Variants in SNX29 observed in about 807,000 individuals in gnomAD.
SNX29 encodes sorting nexin 29, also known as sorting nexin-29.
In SNX29, 78 loss-of-function variants were observed where a neutral mutation model predicts 102.1. The observed-to-expected ratio is 0.76, with a 90% CI of 0.64 to 0.92. The LOEUF is 0.92. Among genes scored for constraint, SNX29 ranks in the 40% least tolerant of loss-of-function variants. SNX29 has a pLI of 0.00. For synonymous variants in SNX29, 580 were observed against 414.5 expected, an observed-to-expected ratio of 1.40 and a Z score of -4.85; for missense variants, 1,280 against 1,061.7, an observed-to-expected ratio of 1.21 and a Z score of -2.86.
chr16:12,557,708 C>G (rs553554415), intron 20 of SNX29: 5 of 152,280 alleles, frequency 3.3e-5, no homozygotes, highest in Admixed American at 6.5e-5. Flanking sequence ...TCGTTTGATA[C>G]CAGCATCACC....
intron 13 of SNX29, among the ~76,000 whole-genome samples, chr16:12,168,150 A>C (rs1418694457): frequency 3.9e-5 from 6 of 152,232 alleles, no homozygotes; most frequent in Admixed American, 3.9e-4. Context: ...ATTGCTCTGA[A>C]GGAAAAGTGT....
intron 19 of SNX29, among the ~76,000 whole-genome samples, chr16:12,494,515 C>G (rs1014870119): frequency 6.6e-6 from 1 of 152,144 alleles, no homozygotes; most frequent in African/African-American, 2.4e-5. Flanking sequence ...AGTAAACCCA[C>G]TCCAAAGCTC....
intron 15 of SNX29, among the ~76,000 whole-genome samples, chr16:12,279,635 A>G (rs756059834): frequency 6.6e-6 from 1 of 152,170 alleles, no homozygotes; most frequent in Non-Finnish European, 1.5e-5. Flanking sequence ...CAGGGCCCCA[A>G]TCTCAGGATT....
intron 15 of SNX29, among the ~76,000 whole-genome samples, chr16:12,335,632 T>C (rs1433818270): frequency 2.6e-5 from 4 of 152,158 alleles, no homozygotes; most frequent in Non-Finnish European, 5.9e-5. Context: ...GCTACGATGG[T>C]GCTGCTGCAC....
rs577026883 is a variant in SNX29 at position 12,570,903 on chromosome 16, G to T, written c.*2274G>T. Reference sequence around the variant, plus strand: ...ATACTGAATTATTCACAAAAAACCTGGTCTGCTCTCCAAAATGAGAGCATG... The same window carrying T: ...ATACTGAATTATTCACAAAAAACCTTGTCTGCTCTCCAAAATGAGAGCATG... On this transcript the variant is annotated 3_prime_UTR_variant, in exon 21 of 21. Coordinates refer to ENST00000566228, the MANE Select transcript of SNX29 (RefSeq NM_032167.5). 4.4e-6 allele frequency: 1 copy of T among 226,180 alleles called. No individual in the cohort carries two copies. Among genetic ancestry groups the T allele is most frequent in the East Asian group, 6.3e-5 (1 of 15,820 alleles). 14.0% of individuals were successfully genotyped at this position (226,180 alleles called of 1,614,324 possible). A position where few individuals can be genotyped will look rare whatever the true frequency, so the allele number is the denominator to read the frequency against.
intron 19 of SNX29, among the ~76,000 whole-genome samples, chr16:12,507,182 G>A (rs138728359): frequency 8.9e-4 from 136 of 152,330 alleles, no homozygotes; most frequent in Non-Finnish European, 1.8e-3. Context: ...CTGGTAAGTG[G>A]TGCAGCCAGG....
intron 20 of SNX29, among the ~76,000 whole-genome samples, chr16:12,562,385 C>CA (rs1238357966): frequency 2.4e-5 from 2 of 84,592 alleles, no homozygotes; most frequent in African/African-American, 6.2e-5. Flanking sequence ...TAAAACAGCT[C>CA]AAGAGACAGA....
intron 3 of SNX29, among the ~76,000 whole-genome samples, chr16:12,006,687 C>A (rs1323469866): frequency 2.6e-5 from 4 of 151,520 alleles, no homozygotes; most frequent in Admixed American, 6.6e-5. Context: ...GTGGTGTGAT[C>A]ATGGTTCACA....
intron 1 of SNX29, among the ~76,000 whole-genome samples, chr16:11,985,207 C>A (rs530537112): frequency 9.2e-5 from 14 of 152,096 alleles, no homozygotes; most frequent in African/African-American, 3.4e-4. Flanking sequence ...CTGGTGGAAG[C>A]AGAGGTTGGC....
chr16:12,121,350 C>A (rs1342688486), intron 11 of SNX29, among the ~76,000 whole-genome samples: 1 of 152,236 alleles, frequency 6.6e-6, no homozygotes, highest in East Asian at 1.9e-4. Flanking sequence ...CCCATAGGGG[C>A]TCCCCCAGAG....
At chr16:12,492,017 T>C (rs145584876) in intron 19 of SNX29, among the ~76,000 whole-genome samples, 3,509 of 152,300 alleles carry the variant, frequency 0.023, 132 homozygotes, top group African/African-American at 0.079. Context: ...TATAGCAGCA[T>C]GATTTATAAT....
At chr16:12,370,839 C>T (rs564536972) in intron 16 of SNX29, among the ~76,000 whole-genome samples, 5 of 152,264 alleles carry the variant, frequency 3.3e-5, no homozygotes, top group East Asian at 1.9e-4. Context: ...GCGACCAGCA[C>T]GTTATGTGAT....
chr16:12,510,825 C>G (rs544123157), intron 19 of SNX29, among the ~76,000 whole-genome samples: 1 of 152,090 alleles, frequency 6.6e-6, no homozygotes, highest in Admixed American at 6.5e-5. Context: ...CCACAGCTTT[C>G]CTGCCATGGG....
chr16:12,530,467 T>G (rs563920370), intron 20 of SNX29, among the ~76,000 whole-genome samples: 1 of 152,202 alleles, frequency 6.6e-6, no homozygotes, highest in Non-Finnish European at 1.5e-5. Context: ...CTGTCAAGTC[T>G]TTTGTGTAAC....
At chr16:12,564,293 A>T (rs1359215730) in intron 20 of SNX29, among the ~76,000 whole-genome samples, 1 of 152,196 alleles carries the variant, frequency 6.6e-6, no homozygotes, top group Admixed American at 6.5e-5. Flanking sequence ...AGTTCCTATG[A>T]AGTTGCTGGC....
At chr16:12,068,941 A>G in intron 9 of SNX29, 116 bp from the exon 10 acceptor site, 1 of 944,718 alleles carries the variant, frequency 1.1e-6, no homozygotes, top group Non-Finnish European at 1.6e-6. Flanking sequence ...AGATGGAGAA[A>G]AATTTCTTAG....
At chr16:12,566,356 C>CCT (rs2079007420) in intron 20 of SNX29, among the ~76,000 whole-genome samples, 2 of 152,180 alleles carry the variant, frequency 1.3e-5, no homozygotes, top group Admixed American at 1.3e-4. Context: ...CCGACTGCTA[C>CCT]CTCTCCTCTC....
At chr16:12,013,471 C>A (rs1231715128) in intron 3 of SNX29, among the ~76,000 whole-genome samples, 3 of 88,468 alleles carry the variant, frequency 3.4e-5, no homozygotes, top group Non-Finnish European at 6.2e-5. Context: ...CATAGTGAAA[C>A]CCTGTCTCTA....
intron 13 of SNX29, among the ~76,000 whole-genome samples, chr16:12,138,494 C>T (rs1184305343): frequency 6.6e-6 from 1 of 152,144 alleles, no homozygotes; most frequent in Non-Finnish European, 1.5e-5. Context: ...AGGCGTGAGC[C>T]ACCATGCCCA....
Sources: allele counts gnomAD v4.1 joint callset (sites outside exome capture counted in the v4.1 genomes callset), GRCh38; gene constraint gnomAD v4.1.1; transcripts MANE v1.5; gene names NCBI Gene and HGNC (gene_info 2026-07-23, HGNC 2026-07-21).